TENM3: variants seen among roughly 807,000 people sequenced by gnomAD.
TENM3 encodes teneurin transmembrane protein 3.
TENM3 carries 63 observed loss-of-function variants against 255.1 expected under a neutral mutation model. That is an observed-to-expected ratio of 0.25 (90% confidence interval 0.20 to 0.30). The LOEUF (loss-of-function observed/expected upper bound fraction) is 0.30. Among genes scored for constraint, TENM3 ranks in the 10% least tolerant of loss-of-function variants. TENM3 has a pLI of 1.00. For missense variants in TENM3, 2,929 were observed against 3,461.1 expected (o/e 0.85, Z 3.86); for synonymous variants, 1,306 against 1,322.3 (o/e 0.99, Z 0.27).
the TENM3 span, among the ~76,000 whole-genome samples, chr4:182,017,033 G>A: frequency 6.6e-6 from 1 of 152,170 alleles, no homozygotes; most frequent in East Asian, 1.9e-4. Context: ...GCCTTACAAT[G>A]GACACATATT....
the TENM3 span, among the ~76,000 whole-genome samples, chr4:181,605,492 A>G: frequency 0.014 from 120 of 8,402 alleles, 5 homozygotes; most frequent in African/African-American, 0.045. Flanking sequence ...GAAAGAAAGA[A>G]AGAAAGAAAG....
chr4:182,685,869 A>T (rs770446539), intron 11 of TENM3, among the ~76,000 whole-genome samples: 11 of 152,088 alleles, frequency 7.2e-5, no homozygotes, highest in Non-Finnish European at 1.2e-4. Flanking sequence ...TTTGTAACTG[A>T]TACTAAATAA....
chr4:182,784,338 T>TG lies in TENM3; in HGVS notation c.5305-4749dup, dbSNP rs531784966. On this transcript the variant is annotated intron_variant, in intron 24 of 27. Transcript: ENST00000511685. ...GTGTGAGGTGTCAGTGTGCCCCTGC[T>TG]GGGGGGTGCCTCCCAGTTAGGCTGC... Among the ~76,000 whole-genome samples the TG allele has an allele frequency of 1.6e-4, 25 of 152,076 alleles. No individual in the cohort carries two copies. The South Asian group carries it at 3.8e-3, about 23-fold the overall frequency.
At chr4:182,567,334 G>C (rs368540274) in intron 3 of TENM3, among the ~76,000 whole-genome samples, 2 of 152,102 alleles carry the variant, frequency 1.3e-5, no homozygotes, top group East Asian at 1.9e-4. Context: ...GGGTCTTTCT[G>C]CTGTCACCCT....
intron 18 of TENM3, among the ~76,000 whole-genome samples, chr4:182,741,500 C>T (rs1761603487): frequency 6.6e-6 from 1 of 152,180 alleles, no homozygotes; most frequent in Non-Finnish European, 1.5e-5. Context: ...CAGGAAGGGC[C>T]AATCGTTCAA....
intron 6 of TENM3, among the ~76,000 whole-genome samples, chr4:182,668,900 T>G (rs1221654889): frequency 6.6e-6 from 1 of 152,196 alleles, no homozygotes; most frequent in African/African-American, 2.4e-5. Context: ...GTTTATGAAT[T>G]TATGTTTACC....
intron 1 of TENM3, among the ~76,000 whole-genome samples, chr4:182,193,694 G>A (rs1192569453): frequency 6.6e-6 from 1 of 152,168 alleles, no homozygotes; most frequent in African/African-American, 2.4e-5. Flanking sequence ...ACCTATTTGG[G>A]TAGATGTGGA....
the TENM3 span, among the ~76,000 whole-genome samples, chr4:181,914,690 G>A: frequency 6.6e-6 from 1 of 152,140 alleles, no homozygotes; most frequent in Non-Finnish European, 1.5e-5. Flanking sequence ...GGGAAAAGAT[G>A]GCTAACGCTG....
the TENM3 span, among the ~76,000 whole-genome samples, chr4:181,586,873 AACAAAAAC>A: frequency 6.6e-6 from 1 of 151,976 alleles, no homozygotes; most frequent in Admixed American, 6.6e-5. Context: ...CAAACAAACA[AACAAAAAC>A]AAAAGAAGCA....
chr4:182,031,457 C>T, the TENM3 span, among the ~76,000 whole-genome samples: 49 of 152,230 alleles, frequency 3.2e-4, no homozygotes, highest in African/African-American at 9.6e-4. Flanking sequence ...GTTACTGTAG[C>T]GTTGCAGTGT....
chr4:182,259,262 C>T (rs572057236), intron 1 of TENM3, among the ~76,000 whole-genome samples: 1 of 152,226 alleles, frequency 6.6e-6, no homozygotes, highest in East Asian at 1.9e-4. Flanking sequence ...CAGGGAACAG[C>T]TTTCATATTT....
the TENM3 span, among the ~76,000 whole-genome samples, chr4:182,059,240 A>G: frequency 6.6e-6 from 1 of 152,124 alleles, no homozygotes; most frequent in Non-Finnish European, 1.5e-5. Context: ...ATTTTCAAGA[A>G]CAAGATACAT....
chr4:182,582,111 T>A (rs2152362135), intron 3 of TENM3, among the ~76,000 whole-genome samples: 1 of 152,332 alleles, frequency 6.6e-6, no homozygotes, highest in South Asian at 2.1e-4. Context: ...GCTTCTGCTA[T>A]CACGGCTGGA....
chr4:181,572,680 ACAT>A, the TENM3 span, among the ~76,000 whole-genome samples: 17 of 152,332 alleles, frequency 1.1e-4, no homozygotes, highest in African/African-American at 3.6e-4. Context: ...CATAATAATG[ACAT>A]CATGGTAAAT....
At chr4:181,618,278 C>T in the TENM3 span, among the ~76,000 whole-genome samples, 1 of 152,150 alleles carries the variant, frequency 6.6e-6, no homozygotes, top group Admixed American at 6.5e-5. Context: ...CTTTGGCAGA[C>T]TCATCCAGCT....
chr4:181,544,056 A>ATTTAATT, the TENM3 span, among the ~76,000 whole-genome samples: 2 of 152,184 alleles, frequency 1.3e-5, no homozygotes, highest in African/African-American at 4.8e-5. Context: ...CAATGAGATG[A>ATTTAATT]TTTAATTTTT....
chr4:182,581,771 G>T (rs1745517773), intron 3 of TENM3, among the ~76,000 whole-genome samples: 1 of 151,962 alleles, frequency 6.6e-6, no homozygotes, highest in East Asian at 1.9e-4. Flanking sequence ...AGAATATTAG[G>T]AAAAATATCT....
the TENM3 span, among the ~76,000 whole-genome samples, chr4:181,581,988 C>T: frequency 6.6e-6 from 1 of 152,310 alleles, no homozygotes; most frequent in East Asian, 1.9e-4. Context: ...CTGCCTCGGC[C>T]TCCCAAAGTG....
At chr4:182,349,882 T>C in intron 3 of TENM3, 1 of 342,686 alleles carries the variant, frequency 2.9e-6, no homozygotes, top group East Asian at 1.1e-4. Flanking sequence ...TCACTAAAGG[T>C]TGAAAAGAGA....
Sources: gnomAD v4.1 joint callset for allele counts (sites outside exome capture counted in the v4.1 genomes callset) on GRCh38, gnomAD v4.1.1 for gene constraint, MANE v1.5 for transcripts, NCBI Gene and HGNC (gene_info 2026-07-23, HGNC 2026-07-21) for gene names.